The following BMAL2 variants were observed in gnomAD, a reference collection of about 807,000 sequenced individuals.
The protein encoded by BMAL2 is basic helix-loop-helix ARNT-like protein 2.
the BMAL2 span, chr12:27,385,691 A>G: frequency 1.7e-6 from 1 of 592,320 alleles, no homozygotes; most frequent in East Asian, 2.8e-5. Flanking sequence ...TTCCTTTAAT[A>G]TAGAAGTTTA....
chr12:27,409,846 C>T, the BMAL2 span, among the ~76,000 whole-genome samples: 2 of 152,108 alleles, frequency 1.3e-5, no homozygotes, highest in African/African-American at 4.8e-5. Flanking sequence ...ATCTACTCAT[C>T]GGACAAAGGG....
the BMAL2 span, among the ~76,000 whole-genome samples, chr12:27,396,587 A>G: frequency 6.6e-6 from 1 of 152,228 alleles, no homozygotes; most frequent in Non-Finnish European, 1.5e-5. Context: ...GCAGACACAC[A>G]GCGAGGGAGT....
chr12:27,390,262 G>C, the BMAL2 span: 30 of 1,608,868 alleles, frequency 1.9e-5, no homozygotes, highest in African/African-American at 6.7e-5. Flanking sequence ...AATGTCAAGT[G>C]ATGCAAAGCA....
At chr12:27,396,030 C>T in the BMAL2 span, among the ~76,000 whole-genome samples, 5 of 152,158 alleles carry the variant, frequency 3.3e-5, no homozygotes, top group Non-Finnish European at 5.9e-5. Flanking sequence ...TATGTTGAAG[C>T]GCTAGGCCCC....
chr12:27,368,230 A>G, the BMAL2 span: 1 of 1,608,648 alleles, frequency 6.2e-7, no homozygotes, highest in Non-Finnish European at 8.5e-7. Flanking sequence ...AATGTTTAAA[A>G]TAAATGTCTT....
the BMAL2 span, among the ~76,000 whole-genome samples, chr12:27,413,755 A>G: frequency 6.6e-6 from 1 of 152,228 alleles, no homozygotes; most frequent in African/African-American, 2.4e-5. Flanking sequence ...CCAGTGACTC[A>G]ATTTAGTTTT....
At chr12:27,414,158 C>G in the BMAL2 span, among the ~76,000 whole-genome samples, 3,348 of 152,194 alleles carry the variant, frequency 0.022, 127 homozygotes, top group African/African-American at 0.077. Context: ...TATATGCACT[C>G]AACACTTGAA....
the BMAL2 span, among the ~76,000 whole-genome samples, chr12:27,335,930 C>T: frequency 6.6e-6 from 1 of 152,144 alleles, no homozygotes; most frequent in Non-Finnish European, 1.5e-5. Context: ...ACAGTGATTT[C>T]AGTTTACTTT....
At chr12:27,417,986 C>A in the BMAL2 span, 1 of 652,894 alleles carries the variant, frequency 1.5e-6, no homozygotes, top group Non-Finnish European at 2.4e-6. Flanking sequence ...CAGCGAGCCT[C>A]CATCTCAAAA....
the BMAL2 span, chr12:27,415,871 TAC>T: frequency 1.2e-6 from 2 of 1,601,328 alleles, no homozygotes; most frequent in Non-Finnish European, 8.5e-7. Flanking sequence ...TTTTAAAGGT[TAC>T]AGTCTTCTTC....
the BMAL2 span, among the ~76,000 whole-genome samples, chr12:27,343,370 A>C: frequency 6.6e-6 from 1 of 152,196 alleles, no homozygotes; most frequent in South Asian, 2.1e-4. Context: ...TTTTTTCCCC[A>C]AAGTTAAACG....
the BMAL2 span, among the ~76,000 whole-genome samples, chr12:27,405,042 G>A: frequency 6.6e-6 from 1 of 152,216 alleles, no homozygotes; most frequent in Non-Finnish European, 1.5e-5. Context: ...GCGGCAGCGA[G>A]GCTGGGGGAG....
At chr12:27,397,264 G>A in the BMAL2 span, among the ~76,000 whole-genome samples, 1 of 152,122 alleles carries the variant, frequency 6.6e-6, no homozygotes, top group African/African-American at 2.4e-5. Context: ...TAGAGATGGG[G>A]TTTCACCATT....
At chr12:27,360,821 A>AAAAAAAAAAAAAAAAAAAC in the BMAL2 span, among the ~76,000 whole-genome samples, 1 of 149,584 alleles carries the variant, frequency 6.7e-6, no homozygotes, top group Non-Finnish European at 1.5e-5. Context: ...AAAAAAAAAA[A>AAAAAAAAAAAAAAAAAAAC]AAAACAGTAC....
chr12:27,370,504 G>A, the BMAL2 span, among the ~76,000 whole-genome samples: 1 of 152,178 alleles, frequency 6.6e-6, no homozygotes, highest in Non-Finnish European at 1.5e-5. Context: ...CACTCACATA[G>A]CCTCAGAGTG....
At chr12:27,383,660 T>C in the BMAL2 span, among the ~76,000 whole-genome samples, 1 of 152,148 alleles carries the variant, frequency 6.6e-6, no homozygotes, top group South Asian at 2.1e-4. Context: ...GAAATGTCAT[T>C]ATCTTGCTCA....
the BMAL2 span, chr12:27,402,739 A>C: frequency 6.9e-7 from 1 of 1,451,340 alleles, no homozygotes; most frequent in Non-Finnish European, 9.5e-7. Context: ...GACTATTACT[A>C]TCTTTTTCTG....
the BMAL2 span, among the ~76,000 whole-genome samples, chr12:27,338,665 G>GCCCCTCCA: frequency 6.6e-6 from 1 of 152,240 alleles, no homozygotes; most frequent in Non-Finnish European, 1.5e-5. Flanking sequence ...GGTCTGTGAT[G>GCCCCTCCA]AGGCATGGAC....
chr12:27,336,391 G>A, the BMAL2 span, among the ~76,000 whole-genome samples: 30 of 152,276 alleles, frequency 2.0e-4, no homozygotes, highest in South Asian at 2.5e-3. Context: ...CCAGTGGCAG[G>A]AGCCAGTGGG....
Sources: allele counts gnomAD v4.1 joint callset (sites outside exome capture counted in the v4.1 genomes callset), GRCh38; gene constraint gnomAD v4.1.1; transcripts MANE v1.5; gene names NCBI Gene and HGNC (gene_info 2026-07-23, HGNC 2026-07-21).